FSTL5: variants seen among roughly 807,000 people sequenced by gnomAD.
FSTL5 encodes follistatin like 5, also known as follistatin-related protein 5.
Under a neutral mutation model 89.1 loss-of-function variants are expected in FSTL5, and 62 were observed. The observed-to-expected ratio is 0.70, with a 90% CI of 0.57 to 0.86. The LOEUF is 0.86. FSTL5 is among the 40% of genes least tolerant of loss of function. FSTL5 has a pLI of 0.00. For synonymous variants in FSTL5, 383 were observed against 346.2 expected (o/e 1.11, Z -1.18); for missense variants, 1,057 against 1,001.6 (o/e 1.06, Z -0.75).
chr4:162,158,126 C>T (rs907482631), intron 1 of FSTL5, among the ~76,000 whole-genome samples: 1 of 151,994 alleles, frequency 6.6e-6, no homozygotes, highest in African/African-American at 2.4e-5. Flanking sequence ...GTATGAGTAG[C>T]AGTTGATACC....
chr4:161,969,067 C>T (rs1341570372), intron 3 of FSTL5, among the ~76,000 whole-genome samples: 2 of 151,784 alleles, frequency 1.3e-5, no homozygotes, highest in African/African-American at 2.4e-5. Flanking sequence ...AAGTTTTTAC[C>T]GCATTGACTG....
intron 4 of FSTL5, among the ~76,000 whole-genome samples, chr4:161,822,705 G>C (rs1309447978): frequency 1.3e-5 from 2 of 152,188 alleles, no homozygotes; most frequent in Non-Finnish European, 2.9e-5. Context: ...TGGTGAGCGG[G>C]GGGGCATGTT....
intron 8 of FSTL5, among the ~76,000 whole-genome samples, chr4:161,554,702 A>G (rs1321873105): frequency 6.6e-6 from 1 of 151,650 alleles, no homozygotes; most frequent in African/African-American, 2.4e-5. Context: ...GAAGAATTCT[A>G]TCATGGCTCT....
At chr4:161,888,341 A>G (rs1379185008) in intron 4 of FSTL5, among the ~76,000 whole-genome samples, 2 of 152,082 alleles carry the variant, frequency 1.3e-5, no homozygotes, top group Non-Finnish European at 2.9e-5. Context: ...AGTTCTTGAT[A>G]TAAAGTAGAG....
chr4:161,964,163 T>C (rs777565325), intron 3 of FSTL5, among the ~76,000 whole-genome samples: 1 of 152,060 alleles, frequency 6.6e-6, no homozygotes, highest in Non-Finnish European at 1.5e-5. Context: ...AGACACTAAA[T>C]TGAGGTGGCT....
intron 3 of FSTL5, among the ~76,000 whole-genome samples, chr4:161,926,804 T>C (rs13127083): frequency 0.63 from 96,158 of 151,548 alleles, 30,589 homozygotes; most frequent in Middle Eastern, 0.72. Flanking sequence ...CTCCATCCCA[T>C]TGAAAAATTA....
intron 8 of FSTL5, among the ~76,000 whole-genome samples, chr4:161,565,438 A>G (rs751162785): frequency 4.0e-5 from 6 of 151,842 alleles, no homozygotes; most frequent in African/African-American, 7.2e-5. Context: ...AAAAAATGCT[A>G]GTTGCATTAA....
intron 4 of FSTL5, among the ~76,000 whole-genome samples, chr4:161,854,949 G>A (rs1731677549): frequency 6.6e-6 from 1 of 151,200 alleles, no homozygotes; most frequent in Admixed American, 6.6e-5. Context: ...AACAATGTTG[G>A]TTAAGTCAAT....
intron 2 of FSTL5, among the ~76,000 whole-genome samples, chr4:162,087,861 T>C (rs1730383196): frequency 6.6e-6 from 1 of 152,164 alleles, no homozygotes; most frequent in Non-Finnish European, 1.5e-5. Flanking sequence ...ATCAATGAGA[T>C]ACATTCAGTT....
At position 161,976,032 on chromosome 4, in the gene FSTL5, C is replaced by T. The variant is rs565167102; in HGVS notation, c.161-55380G>A. On this transcript the variant is annotated intron_variant, in intron 3 of 15. Transcript: ENST00000306100. Reference sequence around the variant, plus strand: ...ACTCGGGAGGCTGAGGCAGGAGAATCGCGTGAACTCGGCAGGCGGATCTTG... The same window carrying T: ...ACTCGGGAGGCTGAGGCAGGAGAATTGCGTGAACTCGGCAGGCGGATCTTG... 5.3e-4 allele frequency among the ~76,000 whole-genome samples: 78 copies of T among 148,236 alleles called. 1 individual carries two copies. The highest frequency in any genetic ancestry group is 1.3e-3 in the South Asian group (6 of 4,682).
intron 6 of FSTL5, among the ~76,000 whole-genome samples, chr4:161,660,600 T>G (rs1356067060): frequency 3.3e-5 from 5 of 152,214 alleles, no homozygotes; most frequent in African/African-American, 1.2e-4. Context: ...CATTAGTTAT[T>G]TTTCCTGATC....
At chr4:161,803,076 C>CA (rs1289197413) in intron 4 of FSTL5, among the ~76,000 whole-genome samples, 4 of 151,674 alleles carry the variant, frequency 2.6e-5, no homozygotes, top group Admixed American at 6.6e-5. Flanking sequence ...AACAAACAAA[C>CA]AAAAAACCAC....
chr4:162,049,057 G>A (rs1405178519), intron 2 of FSTL5, among the ~76,000 whole-genome samples: 1 of 151,958 alleles, frequency 6.6e-6, no homozygotes. Context: ...TATATCTCTG[G>A]GGAATATATA....
At chr4:162,021,501 A>G (rs1737084192) in intron 3 of FSTL5, among the ~76,000 whole-genome samples, 1 of 152,132 alleles carries the variant, frequency 6.6e-6, no homozygotes, top group South Asian at 2.1e-4. Flanking sequence ...ATGGTAAGAG[A>G]TTTATAAATA....
chr4:161,550,435 C>T lies in FSTL5; in HGVS notation c.1016-7742G>A, dbSNP rs185631197. On this transcript the variant is annotated intron_variant, in intron 8 of 15. Transcript: ENST00000306100. ...TGCTTTCCTGGTGACATAAAGCACACGTTTAGGCTCTCCTAATGTATTTAG... is the reference window on the plus strand; with the variant it reads ...TGCTTTCCTGGTGACATAAAGCACATGTTTAGGCTCTCCTAATGTATTTAG... 5.3e-5 allele frequency among the ~76,000 whole-genome samples: 8 copies of T among 151,914 alleles called. No homozygotes were observed. In the East Asian group the frequency reaches 5.8e-4, roughly 11 times the overall value.
At chr4:161,892,329 T>C (rs912220758) in intron 4 of FSTL5, among the ~76,000 whole-genome samples, 7 of 152,038 alleles carry the variant, frequency 4.6e-5, no homozygotes, top group Non-Finnish European at 8.8e-5. Context: ...TTAAATTGTT[T>C]TAGGGATTAA....
chr4:161,628,100 C>A (rs889780332), intron 7 of FSTL5, among the ~76,000 whole-genome samples: 1 of 152,062 alleles, frequency 6.6e-6, no homozygotes, highest in Non-Finnish European at 1.5e-5. Context: ...CCTCAGTTTT[C>A]TCAGACATAA....
intron 3 of FSTL5, among the ~76,000 whole-genome samples, chr4:162,005,824 G>A (rs1190938171): frequency 1.3e-5 from 2 of 152,016 alleles, no homozygotes; most frequent in Admixed American, 6.6e-5. Flanking sequence ...ACAGACTCAG[G>A]AACTTTCCAA....
chr4:161,890,208 T>C (rs7437480), intron 4 of FSTL5, among the ~76,000 whole-genome samples: 126,789 of 152,078 alleles, frequency 0.83, 53,484 homozygotes, highest in Non-Finnish European at 0.9. Context: ...TCATATGCCA[T>C]AATTTGCTTG....
Sources: allele counts gnomAD v4.1 joint callset (sites outside exome capture counted in the v4.1 genomes callset), GRCh38; gene constraint gnomAD v4.1.1; transcripts MANE v1.5; gene names NCBI Gene and HGNC (gene_info 2026-07-23, HGNC 2026-07-21).